The following CAMSAP2 variants were observed in gnomAD, a reference collection of about 807,000 sequenced individuals.
The protein encoded by CAMSAP2 is calmodulin regulated spectrin associated protein family member 2.
CAMSAP2 carries 26 observed loss-of-function variants against 146.1 expected under a neutral mutation model. The observed-to-expected ratio is 0.18, with a 90% CI of 0.13 to 0.25. The LOEUF is 0.25. CAMSAP2 is among the 10% of genes least tolerant of loss of function. The probability of loss-of-function intolerance (pLI) is 1.00; values close to 1 mark genes in which losing one functional copy is unlikely to be tolerated. For synonymous variants in CAMSAP2, 499 were observed against 596.6 expected, an observed-to-expected ratio of 0.84 and a Z score of 2.38; for missense variants, 1,381 against 1,759.3, an observed-to-expected ratio of 0.78 and a Z score of 3.85.
chr1:200,778,905 A>G (rs191940790), intron 2 of CAMSAP2, among the ~76,000 whole-genome samples: 28 of 152,322 alleles, frequency 1.8e-4, no homozygotes, highest in Admixed American at 1.6e-3. Flanking sequence ...AAGAATAGCT[A>G]TGACCTACGG....
At chr1:200,835,336 CTT>C (rs1305724157) in intron 6 of CAMSAP2, among the ~76,000 whole-genome samples, 1 of 152,202 alleles carries the variant, frequency 6.6e-6, no homozygotes, top group Non-Finnish European at 1.5e-5. Context: ...ATTATTATAA[CTT>C]TTAGAACATT....
intron 1 of CAMSAP2, among the ~76,000 whole-genome samples, chr1:200,746,829 A>T (rs1026087349): frequency 1.3e-5 from 2 of 151,960 alleles, no homozygotes; most frequent in Non-Finnish European, 2.9e-5. Context: ...CGTGTTAGCC[A>T]GGATGGTCTT....
intron 1 of CAMSAP2, among the ~76,000 whole-genome samples, chr1:200,757,710 A>G (rs1038404152): frequency 2.6e-5 from 4 of 152,168 alleles, no homozygotes; most frequent in African/African-American, 4.8e-5. Context: ...TAGCTCTTGA[A>G]GACTTGTTTT....
intron 2 of CAMSAP2, among the ~76,000 whole-genome samples, chr1:200,788,886 G>A (rs1462369922): frequency 2.6e-5 from 4 of 151,380 alleles, no homozygotes; most frequent in Admixed American, 2.6e-4. Context: ...TCCTGACCTC[G>A]GGTGATCCGC....
At chr1:200,820,831 G>A (rs943595431) in intron 4 of CAMSAP2, among the ~76,000 whole-genome samples, 5 of 152,072 alleles carry the variant, frequency 3.3e-5, no homozygotes, top group African/African-American at 1.2e-4. Context: ...AAACATTTTT[G>A]ATCTTTGAAC....
chr1:200,778,949 T>C (rs1665358637), intron 2 of CAMSAP2, among the ~76,000 whole-genome samples: 1 of 152,152 alleles, frequency 6.6e-6, no homozygotes, highest in Non-Finnish European at 1.5e-5. Context: ...AGACAATGAA[T>C]GAGGCCAATC....
chr1:200,803,822 A>C lies in CAMSAP2; in HGVS notation c.400-3554A>C, dbSNP rs184578323. ...TATTTGTGTTTTTACATACTATAAC[A>C]AGGTAATTTCTAAGTTTTACTTTTA... On this transcript the variant is annotated intron_variant, in intron 2 of 16. Coordinates refer to ENST00000358823, the MANE Select transcript of CAMSAP2 (RefSeq NM_203459.4). Among the ~76,000 whole-genome samples, 10 of 152,296 alleles carry C rather than the reference A, an allele frequency of 6.6e-5. No individual in the cohort carries two copies. In the East Asian group the frequency reaches 1.9e-3, roughly 29 times the overall value.
intron 2 of CAMSAP2, 23 bp downstream of exon 2, chr1:200,761,121 T>C: frequency 6.2e-7 from 1 of 1,607,624 alleles, no homozygotes; most frequent in African/African-American, 1.3e-5. Context: ...ATACCCAAGA[T>C]TATTTTAAGT....
At position 200,832,157 on chromosome 1, in the gene CAMSAP2, A is replaced by G. The variant is rs193244245; in HGVS notation, c.646-43A>G. 5.0e-4 allele frequency: 772 copies of G among 1,530,948 alleles called. 2 individuals carry two copies. The African/African-American group carries it at 9.1e-3, about 18-fold the overall frequency. The allele number at this position is 1,530,948 out of a possible 1,614,324, so 94.8% of individuals were successfully genotyped here. On this transcript the variant is annotated intron_variant, in intron 4 of 16. Coordinates refer to ENST00000358823, the MANE Select transcript of CAMSAP2 (RefSeq NM_203459.4). This position sits in a 1 kb window ranked among gnomAD's most constrained non-coding sequence, Gnocchi z 4.2. ...AGTACTGATTTTTTTCCTATGCGTT[A>G]TTTGGTACTTATTTATTTTCATGTA...
chr1:200,844,462 T>C (rs1667409639), intron 7 of CAMSAP2, among the ~76,000 whole-genome samples: 1 of 151,918 alleles, frequency 6.6e-6, no homozygotes, highest in African/African-American at 2.4e-5. Flanking sequence ...GCAGGAGAAT[T>C]GCTTGAACCC....
chr1:200,779,775 A>C (rs893024070), intron 2 of CAMSAP2, among the ~76,000 whole-genome samples: 3 of 151,656 alleles, frequency 2.0e-5, no homozygotes, highest in African/African-American at 7.3e-5. Flanking sequence ...CTGGTTGATC[A>C]TGTTTTTGGT....
At chr1:200,817,048 GTATGTGTATACACACACGTATA>G (rs1373569295) in intron 4 of CAMSAP2, among the ~76,000 whole-genome samples, 1 of 139,808 alleles carries the variant, frequency 7.2e-6, no homozygotes, top group African/African-American at 2.6e-5. Flanking sequence ...ATACACACGT[GTATGTGTATACACACACGTATA>G]TATGTGTATA....
At chr1:200,820,260 CG>C (rs1666714998) in intron 4 of CAMSAP2, among the ~76,000 whole-genome samples, 1 of 152,030 alleles carries the variant, frequency 6.6e-6, no homozygotes, top group African/African-American at 2.4e-5. Context: ...GATGGGGTTT[CG>C]CCATGTGCTG....
chr1:200,817,189 C>CGTGTGTGTATATACACACATACACACAT (rs1666603237), intron 4 of CAMSAP2, among the ~76,000 whole-genome samples: 3 of 112,048 alleles, frequency 2.7e-5, no homozygotes, highest in Non-Finnish European at 1.9e-5. Flanking sequence ...CACACACACA[C>CGTGTGTGTATATACACACATACACACAT]ATGTGTGTGT....
Position 200,860,318 on chromosome 1 carries a change from G to C in CAMSAP2, c.*2259G>C, listed in dbSNP as rs2102276725. 1 of 152,740 alleles carries C rather than the reference G, an allele frequency of 6.5e-6. No homozygotes were observed. Among genetic ancestry groups the C allele is most frequent in the East Asian group, 1.9e-4 (1 of 5,316 alleles). 9.5% of individuals were successfully genotyped at this position (152,740 alleles called of 1,614,324 possible). ...TCGTCAACCTTACTGAAACACACTG[G>C]TGCTTTCATCATCAGAGGTCAAATT... On this transcript the variant is annotated 3_prime_UTR_variant, in exon 17 of 17. Transcript: ENST00000358823.
chr1:200,810,853 CA>C (rs1666310824), intron 3 of CAMSAP2, among the ~76,000 whole-genome samples: 1 of 152,080 alleles, frequency 6.6e-6, no homozygotes, highest in Admixed American at 6.5e-5. Context: ...TGCACCACTG[CA>C]CACCAGCCTG....
chr1:200,828,838 A>G (rs1666969880), intron 4 of CAMSAP2, among the ~76,000 whole-genome samples: 2 of 152,122 alleles, frequency 1.3e-5, no homozygotes, highest in Non-Finnish European at 2.9e-5. Flanking sequence ...CAGTATTCAC[A>G]GACTATCAGT....
intron 4 of CAMSAP2, among the ~76,000 whole-genome samples, chr1:200,817,463 C>T (rs1666635381): frequency 1.3e-5 from 2 of 152,046 alleles, no homozygotes; most frequent in Admixed American, 1.3e-4. Context: ...GTATATCTTA[C>T]GTCTTTTAAA....
chr1:200,816,594 CAAAA>C (rs1316338918), intron 4 of CAMSAP2, among the ~76,000 whole-genome samples: 1 of 92,824 alleles, frequency 1.1e-5, no homozygotes, highest in Non-Finnish European at 2.4e-5. Flanking sequence ...AACTTCATCT[CAAAA>C]AAAAAAAATA....
Sources: allele counts gnomAD v4.1 joint callset (sites outside exome capture counted in the v4.1 genomes callset), GRCh38; gene constraint gnomAD v4.1.1; non-coding constraint Gnocchi (gnomAD v3.1); transcripts MANE v1.5; gene names NCBI Gene and HGNC (gene_info 2026-07-23, HGNC 2026-07-21).